The following GLRA2 variants were observed in gnomAD, a reference collection of about 807,000 sequenced individuals.
GLRA2 encodes the protein glycine receptor alpha 2.
GLRA2 carries 11 observed loss-of-function variants against 31.6 expected under a neutral mutation model. The observed-to-expected ratio is 0.35, with a 90% CI of 0.22 to 0.58. The LOEUF (loss-of-function observed/expected upper bound fraction) is 0.58, where lower values mean the gene tolerates loss of function less well. Ranked by LOEUF, GLRA2 falls within the 20% of genes least tolerant of loss-of-function variation. The probability of loss-of-function intolerance (pLI) is 0.84; values close to 1 mark genes in which losing one functional copy is unlikely to be tolerated. For synonymous variants in GLRA2, 132 were observed against 134.0 expected (o/e 0.99, Z 0.10); for missense variants, 212 against 351.8 (o/e 0.60, Z 3.18).
chrX:14,680,707 C>T (rs1181059589), intron 7 of GLRA2, among the ~76,000 whole-genome samples: 1 of 112,132 alleles, frequency 8.9e-6, no homozygotes, highest in Admixed American at 9.4e-5. Flanking sequence ...TTAATGCCAG[C>T]ACTTCAATGC....
Position 14,635,487 on chromosome X carries a change from C to T in GLRA2, c.930+26282C>T, listed in dbSNP as rs374740312. 2.7e-5 allele frequency among the ~76,000 whole-genome samples: 3 copies of T among 111,586 alleles called. No individual in the cohort carries two copies. The East Asian group carries it at 8.5e-4, about 32-fold the overall frequency. ...TCTAGAAGCAAATAGTGCCACCATC[C>T]GTCATGAGGATCTGTTTCTATAACG... On this transcript the variant is annotated intron_variant, in intron 7 of 8. Coordinates refer to ENST00000218075, the MANE Select transcript of GLRA2 (RefSeq NM_002063.4).
At chrX:14,511,325 A>T in the GLRA2 span, among the ~76,000 whole-genome samples, 2 of 111,979 alleles carry the variant, frequency 1.8e-5, no homozygotes, top group Non-Finnish European at 3.8e-5. Context: ...AACACAATTC[A>T]ATATTTTCCA....
Position 14,607,120 on chromosome X carries a change from C to T in GLRA2, c.578-11C>T. ...CCATATTCAATTTTCACTATGATTT[C>T]TTTACCTCAGTTGGGTACACGATGA... On this transcript the variant is annotated splice_polypyrimidine_tract_variant and intron_variant, in intron 5 of 8. Coordinates refer to ENST00000218075, the MANE Select transcript of GLRA2 (RefSeq NM_002063.4). The T allele has an allele frequency of 4.3e-6, 5 of 1,163,811 alleles. No individual in the cohort carries two copies. Among genetic ancestry groups the T allele is most frequent in the Non-Finnish European group, 5.8e-6 (5 of 859,676 alleles).
At chrX:14,604,528 G>T in intron 5 of GLRA2, 131 bp downstream of exon 5, 25 of 292,697 alleles carry the variant, frequency 8.5e-5, no homozygotes, top group East Asian at 2.3e-4. Flanking sequence ...ACATCCTAAT[G>T]GAAAGACAAA....
chrX:14,691,659 A>G (rs976791361), intron 8 of GLRA2, among the ~76,000 whole-genome samples: 5 of 111,557 alleles, frequency 4.5e-5, no homozygotes, highest in African/African-American at 1.6e-4. Flanking sequence ...CAGCCTCTGT[A>G]TTTCTGCAGC....
chrX:14,703,239 G>C (rs2091571875), intron 8 of GLRA2, among the ~76,000 whole-genome samples: 1 of 111,670 alleles, frequency 9.0e-6, no homozygotes, highest in Non-Finnish European at 1.9e-5. Context: ...ATACTCAGAG[G>C]CCATCTTTGG....
intron 8 of GLRA2, among the ~76,000 whole-genome samples, chrX:14,701,990 A>C (rs766423700): frequency 8.9e-6 from 1 of 112,238 alleles, no homozygotes; most frequent in African/African-American, 3.2e-5. Context: ...ATGACTGAGG[A>C]CAAAGCATCT....
intron 4 of GLRA2, among the ~76,000 whole-genome samples, chrX:14,594,349 T>C (rs2147080674): frequency 9.0e-6 from 1 of 111,614 alleles, no homozygotes; most frequent in South Asian, 3.8e-4. Flanking sequence ...AGTGCCACGA[T>C]TAAATAGCTG....
chrX:14,676,607 AT>A (rs2091148231), intron 7 of GLRA2, among the ~76,000 whole-genome samples: 1 of 111,949 alleles, frequency 8.9e-6, no homozygotes, highest in South Asian at 3.8e-4. Context: ...TGGAGAGGGT[AT>A]CCAAGCTGTA....
chrX:14,565,934 C>G (rs1325018351), intron 2 of GLRA2, among the ~76,000 whole-genome samples: 2 of 111,388 alleles, frequency 1.8e-5, no homozygotes, highest in Non-Finnish European at 3.8e-5. Context: ...GAAGAGCAAA[C>G]TAAACCCAAA....
At chrX:14,516,180 C>T in the GLRA2 span, among the ~76,000 whole-genome samples, 1 of 111,025 alleles carries the variant, frequency 9.0e-6, no homozygotes, top group African/African-American at 3.3e-5. Context: ...GATTATCCAC[C>T]TTACCTTGGC....
At chrX:14,698,972 C>T (rs1026320611) in intron 8 of GLRA2, among the ~76,000 whole-genome samples, 2 of 111,008 alleles carry the variant, frequency 1.8e-5, no homozygotes, top group Non-Finnish European at 3.8e-5. Context: ...AAGGAGTGGC[C>T]GGGCAATGTG....
the GLRA2 span, among the ~76,000 whole-genome samples, chrX:14,464,092 C>A: frequency 2.7e-5 from 3 of 112,290 alleles, no homozygotes; most frequent in African/African-American, 9.7e-5. Context: ...ATTAATTCCC[C>A]AGCAAATGGA....
At chrX:14,599,305 A>G (rs756334361) in intron 4 of GLRA2, among the ~76,000 whole-genome samples, 142 of 112,363 alleles carry the variant, frequency 1.3e-3, no homozygotes, top group African/African-American at 4.5e-3. Context: ...CAATGGCCTT[A>G]ATATTTCAGA....
chrX:14,549,149 G>A (rs1164978763), intron 2 of GLRA2, among the ~76,000 whole-genome samples: 1 of 111,963 alleles, frequency 8.9e-6, no homozygotes, highest in Non-Finnish European at 1.9e-5. Flanking sequence ...ATTTGGTATT[G>A]AGAGCAAATA....
chrX:14,456,882 G>T, the GLRA2 span, among the ~76,000 whole-genome samples: 283 of 112,095 alleles, frequency 2.5e-3, no homozygotes, highest in African/African-American at 8.8e-3. Flanking sequence ...CCAGTAGTGA[G>T]ATTGCTGGAT....
intron 6 of GLRA2, 123 bp downstream of exon 6, chrX:14,607,391 C>T (rs1323300914): frequency 2.7e-5 from 15 of 556,560 alleles, no homozygotes; most frequent in Non-Finnish European, 3.6e-5. Context: ...CTATGTCGCA[C>T]GGACCTGATT....
the GLRA2 span, among the ~76,000 whole-genome samples, chrX:14,460,314 G>A: frequency 2.7e-5 from 3 of 112,157 alleles, no homozygotes; most frequent in East Asian, 5.6e-4. Context: ...GTTCATCAGG[G>A]ATATTGGTCT....
At chrX:14,682,968 G>C (rs1376159051) in intron 7 of GLRA2, among the ~76,000 whole-genome samples, 34 of 111,355 alleles carry the variant, frequency 3.1e-4, no homozygotes, top group African/African-American at 1.1e-3. Flanking sequence ...CATTTGAGTT[G>C]GTTCCAAGTC....
Sources: allele counts gnomAD v4.1 joint callset (sites outside exome capture counted in the v4.1 genomes callset), GRCh38; gene constraint gnomAD v4.1.1; transcripts MANE v1.5; gene names NCBI Gene and HGNC (gene_info 2026-07-23, HGNC 2026-07-21).